The following TNS1 variants were observed in gnomAD, a reference collection of about 807,000 sequenced individuals.
TNS1 encodes tensin-1.
A neutral mutation model predicts 168.6 loss-of-function variants in TNS1; 62 were observed. That is an observed-to-expected ratio of 0.37 (90% CI 0.30 to 0.45). TNS1 has a LOEUF of 0.45. Ranked by LOEUF, TNS1 falls within the 20% of genes least tolerant of loss-of-function variation. The pLI is 1.00. For missense variants in TNS1, 2,240 were observed against 2,339.4 expected, an observed-to-expected ratio of 0.96 and a Z score of 0.88; for synonymous variants, 934 against 933.2, an observed-to-expected ratio of 1.00 and a Z score of -0.02.
intron 8 of TNS1, among the ~76,000 whole-genome samples, chr2:217,896,719 C>T (rs142451659): frequency 0.011 from 1,640 of 152,266 alleles, 25 homozygotes; most frequent in African/African-American, 0.037. Context: ...CCCTCCACCC[C>T]GCCATGGATA....
At chr2:218,029,419 G>GA (rs1559415130) in intron 1 of TNS1, among the ~76,000 whole-genome samples, 1 of 152,224 alleles carries the variant, frequency 6.6e-6, no homozygotes, top group East Asian at 1.9e-4. Context: ...ATACCAAACA[G>GA]AAATCTGGCT....
chr2:217,805,150 A>G (rs1364045864), intron 32 of TNS1, among the ~76,000 whole-genome samples: 2 of 151,806 alleles, frequency 1.3e-5, no homozygotes, highest in African/African-American at 2.4e-5. Context: ...AATAAAAGGG[A>G]AGGTGGACCC....
intron 3 of TNS1, among the ~76,000 whole-genome samples, chr2:217,953,705 G>A (rs73080322): frequency 0.032 from 4,854 of 152,238 alleles, 275 homozygotes; most frequent in African/African-American, 0.11. Flanking sequence ...AGCTACACTA[G>A]GGGAGCCACA....
chr2:217,852,038 G>A (rs1311917934), intron 18 of TNS1, among the ~76,000 whole-genome samples: 12 of 152,152 alleles, frequency 7.9e-5, no homozygotes, highest in African/African-American at 2.7e-4. Flanking sequence ...CCAGCTACTC[G>A]GGAGGCTGAG....
Position 217,817,675 on chromosome 2 carries a change from G to C in TNS1, c.4642+15C>G. 1 of 1,567,446 alleles carries C rather than the reference G, an allele frequency of 6.4e-7. No homozygotes were observed. ...ATCAGCAGGAGAGGTGAAAATGGAA[G>C]GGGGAGAGGCCCACCTGGCATGGAG... On this transcript the variant is annotated intron_variant, in intron 24 of 32. Coordinates refer to ENST00000682258, the MANE Select transcript of TNS1 (RefSeq NM_001387777.1).
At chr2:217,903,588 T>C (rs1953282037) in intron 6 of TNS1, 1 of 1,535,170 alleles carries the variant, frequency 6.5e-7, no homozygotes. Flanking sequence ...CAAACAGAAC[T>C]CTCCCCATCC....
chr2:217,924,175 T>C (rs1955885851), intron 3 of TNS1, among the ~76,000 whole-genome samples: 1 of 152,198 alleles, frequency 6.6e-6, no homozygotes, highest in Admixed American at 6.5e-5. Context: ...AGCCTGTGAG[T>C]ACACAGTTCC....
intron 1 of TNS1, among the ~76,000 whole-genome samples, chr2:217,999,048 C>A (rs911750996): frequency 1.3e-5 from 2 of 152,180 alleles, no homozygotes; most frequent in African/African-American, 2.4e-5. Context: ...TGGGATGCTT[C>A]TTCCATCACA....
intron 3 of TNS1, 137 bp downstream of exon 3, chr2:217,978,628 C>T: frequency 3.9e-6 from 2 of 518,144 alleles, no homozygotes; most frequent in Non-Finnish European, 3.4e-6. Context: ...CAGGCCCAGG[C>T]GCTTTGCATA....
At chr2:217,964,555 G>T (rs1051836840) in intron 3 of TNS1, among the ~76,000 whole-genome samples, 1 of 152,206 alleles carries the variant, frequency 6.6e-6, no homozygotes, top group African/African-American at 2.4e-5. Context: ...ATCTTGTAGT[G>T]TTGCTGTGAG....
intron 18 of TNS1, among the ~76,000 whole-genome samples, chr2:217,854,946 T>C (rs1559244985): frequency 6.6e-6 from 1 of 152,190 alleles, no homozygotes; most frequent in Non-Finnish European, 1.5e-5. Context: ...ATTGACCACT[T>C]ACCCACTCAG....
intron 1 of TNS1, among the ~76,000 whole-genome samples, chr2:218,015,590 A>T (rs1382091429): frequency 6.6e-6 from 1 of 152,112 alleles, no homozygotes; most frequent in Non-Finnish European, 1.5e-5. Flanking sequence ...TCTTCTGCAC[A>T]ATGAATGCCT....
upstream of TNS1, among the ~76,000 whole-genome samples, chr2:218,011,094 G>A (rs1242137623): frequency 6.6e-6 from 1 of 152,186 alleles, no homozygotes; most frequent in Non-Finnish European, 1.5e-5. Context: ...TAGGGCTGGA[G>A]CTGCAGCCGC....
At chr2:217,984,807 G>A (rs1958151882) in intron 2 of TNS1, among the ~76,000 whole-genome samples, 1 of 149,570 alleles carries the variant, frequency 6.7e-6, no homozygotes, top group Non-Finnish European at 1.5e-5. Context: ...CCAGGCTGGA[G>A]TGCATTGGCA....
intron 15 of TNS1, 141 bp downstream of exon 15, chr2:217,885,603 C>A: frequency 1.3e-6 from 1 of 799,278 alleles, no homozygotes; most frequent in Non-Finnish European, 2.0e-6. Flanking sequence ...GAAGGTCTTC[C>A]AAGAGCCCTG....
rs1169004986 is a variant in TNS1 at position 217,995,123 on chromosome 2, A to AAGG, written c.34-4070_34-4068dup. Among the ~76,000 whole-genome samples the AAGG allele has an allele frequency of 6.6e-6, 1 of 152,188 alleles. No individual in the cohort carries two copies. Among genetic ancestry groups the AAGG allele is most frequent in the East Asian group, 1.9e-4 (1 of 5,176 alleles). ...ATGAATGAGGAGACATCACTCCTCCAAGGAGGAGGCTGTGAAACTCTGGTA... is the reference window on the plus strand; with the variant it reads ...ATGAATGAGGAGACATCACTCCTCCAAGGAGGAGGAGGCTGTGAAACTCTGGTA... On this transcript the variant is annotated intron_variant, in intron 1 of 32. Coordinates refer to ENST00000682258, the MANE Select transcript of TNS1 (RefSeq NM_001387777.1). This position sits in a 1 kb window ranked among gnomAD's most constrained non-coding sequence, Gnocchi z 4.1.
chr2:218,011,694 C>T (rs1357410889), upstream of TNS1, among the ~76,000 whole-genome samples: 1 of 152,154 alleles, frequency 6.6e-6, no homozygotes, highest in East Asian at 1.9e-4. Flanking sequence ...CTCCGCCTGC[C>T]CCCCGCGACA....
At chr2:217,902,879 CA>C (rs1391046423) in intron 6 of TNS1, among the ~76,000 whole-genome samples, 1 of 152,128 alleles carries the variant, frequency 6.6e-6, no homozygotes, top group Non-Finnish European at 1.5e-5. Context: ...AGTTTGGGGG[CA>C]CGTGACCCTT....
At chr2:218,019,049 C>T (rs933364608) in intron 1 of TNS1, among the ~76,000 whole-genome samples, 6 of 151,804 alleles carry the variant, frequency 4.0e-5, no homozygotes, top group African/African-American at 1.5e-4. Context: ...TGCACTACAG[C>T]CTGGGCAACA....
Sources: allele counts gnomAD v4.1 joint callset (sites outside exome capture counted in the v4.1 genomes callset), GRCh38; gene constraint gnomAD v4.1.1; non-coding constraint Gnocchi (gnomAD v3.1); transcripts MANE v1.5; gene names NCBI Gene and HGNC (gene_info 2026-07-23, HGNC 2026-07-21).